Variants in TMTC1 observed in about 807,000 individuals in gnomAD.
The protein encoded by TMTC1 is transmembrane O-mannosyltransferase targeting cadherins 1, also known as protein O-mannosyl-transferase TMTC1.
In TMTC1, 73 loss-of-function variants were observed where a neutral mutation model predicts 104.8. The ratio of observed to expected loss-of-function variants is 0.70; its 90% CI spans 0.58 to 0.85. The LOEUF (loss-of-function observed/expected upper bound fraction) is 0.85, where lower values mean the gene tolerates loss of function less well. Among genes scored for constraint, TMTC1 ranks in the 40% least tolerant of loss-of-function variants. The pLI, the probability that TMTC1 is intolerant of heterozygous loss-of-function variation, is 0.00. For missense variants in TMTC1, 1,035 were observed against 1,096.1 expected (o/e 0.94, Z 0.79); for synonymous variants, 434 against 428.7 (o/e 1.01, Z -0.15).
chr12:29,651,734 T>C (rs1242329780), intron 5 of TMTC1, among the ~76,000 whole-genome samples: 2 of 152,210 alleles, frequency 1.3e-5, no homozygotes, highest in Non-Finnish European at 2.9e-5. Context: ...CTCACCTAGG[T>C]GAGGCATAGG....
chr12:29,758,552 C>A (rs1592019835), intron 3 of TMTC1, 152 bp downstream of exon 3: 2 of 768,380 alleles, frequency 2.6e-6, no homozygotes, highest in Admixed American at 2.7e-5. Flanking sequence ...CGGCCCAGCA[C>A]TGGACAAGCA....
At chr12:29,728,238 T>G (rs909106753) in intron 5 of TMTC1, among the ~76,000 whole-genome samples, 34 of 151,932 alleles carry the variant, frequency 2.2e-4, no homozygotes, top group South Asian at 1.5e-3. Context: ...TGCTGGGAGA[T>G]CTCAGAGTTG....
chr12:29,644,707 C>T (rs1488494326), intron 5 of TMTC1, among the ~76,000 whole-genome samples: 4 of 152,128 alleles, frequency 2.6e-5, no homozygotes, highest in African/African-American at 4.8e-5. Flanking sequence ...TCAGGGGCTT[C>T]TTGTGCTTGT....
At chr12:29,529,366 C>T (rs1944435875) in intron 11 of TMTC1, among the ~76,000 whole-genome samples, 1 of 152,102 alleles carries the variant, frequency 6.6e-6, no homozygotes, top group African/African-American at 2.4e-5. Context: ...AAAATGTTTC[C>T]AGTGCCCTGA....
chr12:29,520,872 G>A (rs1944132074), intron 11 of TMTC1, 152 bp from the exon 12 acceptor site: 2 of 619,004 alleles, frequency 3.2e-6, no homozygotes, highest in Non-Finnish European at 5.6e-6. Context: ...TATGAACTTT[G>A]TTTGAATTAA....
At chr12:29,528,984 A>G (rs1565648313) in intron 11 of TMTC1, among the ~76,000 whole-genome samples, 2 of 152,198 alleles carry the variant, frequency 1.3e-5, no homozygotes, top group Non-Finnish European at 2.9e-5. Context: ...GACTTCAGAC[A>G]GCTGGATTCT....
chr12:29,771,610 G>A (rs898969261), intron 1 of TMTC1, among the ~76,000 whole-genome samples: 1 of 152,182 alleles, frequency 6.6e-6, no homozygotes, highest in Non-Finnish European at 1.5e-5. Flanking sequence ...CGAATTAAAT[G>A]TTAAGGAATT....
At chr12:29,526,893 T>C (rs1944363969) in intron 11 of TMTC1, among the ~76,000 whole-genome samples, 1 of 152,066 alleles carries the variant, frequency 6.6e-6, no homozygotes, top group Non-Finnish European at 1.5e-5. Context: ...AATCTCATAA[T>C]TTTGGAACAT....
chr12:29,740,163 ACCACCATG>A (rs1942786943), intron 5 of TMTC1, among the ~76,000 whole-genome samples: 1 of 152,170 alleles, frequency 6.6e-6, no homozygotes, highest in Non-Finnish European at 1.5e-5. Flanking sequence ...ACAGGTGTGC[ACCACCATG>A]CCTAGCTCAT....
chr12:29,735,059 A>G (rs1942636509), intron 5 of TMTC1, among the ~76,000 whole-genome samples: 2 of 152,228 alleles, frequency 1.3e-5, no homozygotes, highest in African/African-American at 4.8e-5. Flanking sequence ...ATTCAACCGC[A>G]GAACTAAGCT....
At chr12:29,640,133 G>T (rs138096223) in intron 5 of TMTC1, among the ~76,000 whole-genome samples, 1 of 152,146 alleles carries the variant, frequency 6.6e-6, no homozygotes, top group Non-Finnish European at 1.5e-5. Flanking sequence ...CCAAACACCC[G>T]ATGAAAGAAG....
At chr12:29,667,727 C>T (rs747500286) in intron 5 of TMTC1, among the ~76,000 whole-genome samples, 2 of 152,124 alleles carry the variant, frequency 1.3e-5, no homozygotes, top group Non-Finnish European at 2.9e-5. Flanking sequence ...TAGTTGGAGG[C>T]CCTAGTTTTT....
intron 5 of TMTC1, among the ~76,000 whole-genome samples, chr12:29,656,457 C>A (rs1412793145): frequency 6.6e-6 from 1 of 150,800 alleles, no homozygotes. Flanking sequence ...CCAGTTCAAG[C>A]GATTCTCCTG....
At chr12:29,521,271 G>C (rs1944148062) in intron 11 of TMTC1, among the ~76,000 whole-genome samples, 1 of 152,136 alleles carries the variant, frequency 6.6e-6, no homozygotes, top group Admixed American at 6.5e-5. Flanking sequence ...TGTTGGGGAG[G>C]GCTCTGCCCT....
intron 11 of TMTC1, among the ~76,000 whole-genome samples, chr12:29,524,282 A>T (rs1295636645): frequency 4.6e-5 from 7 of 152,216 alleles, no homozygotes; most frequent in Non-Finnish European, 8.8e-5. Flanking sequence ...CTAAAATGAA[A>T]TAGATCAAAG....
intron 5 of TMTC1, among the ~76,000 whole-genome samples, chr12:29,689,251 A>C (rs1941190355): frequency 6.7e-6 from 1 of 149,826 alleles, no homozygotes; most frequent in African/African-American, 2.4e-5. Flanking sequence ...CATTTTGCTT[A>C]AGCCACTGGT....
rs949664284 is a variant in TMTC1 at position 29,751,532 on chromosome 12, G to T, written c.938+134C>A. On this transcript the variant is annotated intron_variant, in intron 5 of 17. Transcript: ENST00000539277. The stretch of plus-strand genomic sequence containing the variant: ...GGGAAATAGGGACAGGAAGAAGGGG[G>T]TAAGGAGGGAAGCATGAAGAGAGGG... The T allele has an allele frequency of 4.6e-6, 4 of 871,346 alleles. No individual in the cohort carries two copies. In the African/African-American group the frequency reaches 6.6e-5, roughly 14 times the overall value. 54.0% of individuals were successfully genotyped at this position (871,346 alleles called of 1,614,324 possible). A position where few individuals can be genotyped will look rare whatever the true frequency, so the allele number is the denominator to read the frequency against.
At chr12:29,695,914 A>G (rs1287703956) in intron 5 of TMTC1, among the ~76,000 whole-genome samples, 2 of 150,452 alleles carry the variant, frequency 1.3e-5, no homozygotes, top group African/African-American at 4.9e-5. Context: ...CAACCTTCCC[A>G]GGACTGAAAT....
At chr12:29,602,069 C>T (rs775539086) in intron 7 of TMTC1, among the ~76,000 whole-genome samples, 7 of 152,150 alleles carry the variant, frequency 4.6e-5, no homozygotes, top group South Asian at 2.1e-4. Flanking sequence ...CTCCTGACCT[C>T]GTGATCTGCC....
Sources: allele counts gnomAD v4.1 joint callset (sites outside exome capture counted in the v4.1 genomes callset), GRCh38; gene constraint gnomAD v4.1.1; transcripts MANE v1.5; gene names NCBI Gene and HGNC (gene_info 2026-07-23, HGNC 2026-07-21).